Variants in NIN observed in about 807,000 individuals in gnomAD.
The protein encoded by NIN is glycogen synthase kinase 3 beta-interacting protein.
A neutral mutation model predicts 257.6 loss-of-function variants in NIN; 137 were observed. The ratio of observed to expected loss-of-function variants is 0.53; its 90% CI spans 0.46 to 0.61. The LOEUF is 0.61. Ranked by LOEUF, NIN falls within the 20% of genes least tolerant of loss-of-function variation. NIN has a pLI of 0.00. For synonymous variants in NIN, 918 were observed against 919.8 expected, an observed-to-expected ratio of 1.00 and a Z score of 0.04; for missense variants, 2,439 against 2,501.2, an observed-to-expected ratio of 0.98 and a Z score of 0.53.
chr14:50,763,228 T>C (rs1438032213), intron 15 of NIN, among the ~76,000 whole-genome samples: 1 of 146,240 alleles, frequency 6.8e-6, no homozygotes, highest in Admixed American at 6.9e-5. Flanking sequence ...AGAAAAGAGG[T>C]AGGCTATCAG....
At chr14:50,804,782 G>A (rs1247514572) in intron 4 of NIN, among the ~76,000 whole-genome samples, 10 of 151,510 alleles carry the variant, frequency 6.6e-5, no homozygotes, top group Non-Finnish European at 1.2e-4. Context: ...ACTAATGATT[G>A]CTGATGAGCT....
rs552599799 is a variant in NIN, at chr14:50,825,839, G to C, written c.-21-3762C>G. The stretch of plus-strand genomic sequence containing the variant: ...CCACAAACTTTTCCAAATTGGAATT[G>C]AGAAGCAGAGTTCCTTCCTTCCTAC... On this transcript the variant is annotated intron_variant, in intron 2 of 30. Coordinates refer to ENST00000530997, the MANE Select transcript of NIN (RefSeq NM_020921.4). Among the ~76,000 whole-genome samples the C allele has an allele frequency of 2.3e-4, 35 of 152,324 alleles. No individual in the cohort carries two copies. The South Asian group carries it at 2.5e-3, about 11-fold the overall frequency.
At chr14:50,818,758 G>C (rs1189824176) in intron 3 of NIN, among the ~76,000 whole-genome samples, 1 of 152,150 alleles carries the variant, frequency 6.6e-6, no homozygotes, top group Non-Finnish European at 1.5e-5. Flanking sequence ...CCTTGCTCAG[G>C]TGAATATGGT....
chr14:50,741,781 T>C, intron 24 of NIN, 53 bp from the exon 25 acceptor site: 1 of 1,571,366 alleles, frequency 6.4e-7, no homozygotes, highest in South Asian at 1.2e-5. Flanking sequence ...TGGTCTCACC[T>C]CTAGCATGTT....
intron 16 of NIN, 114 bp from the exon 17 acceptor site, chr14:50,760,473 TC>T: frequency 9.4e-7 from 1 of 1,059,024 alleles, no homozygotes; most frequent in Non-Finnish European, 1.3e-6. Context: ...ACAAGACATT[TC>T]TCATTTCTCT....
At chr14:50,753,523 GATAGAC>G (rs57069771) in intron 20 of NIN, among the ~76,000 whole-genome samples, 42,542 of 152,018 alleles carry the variant, frequency 0.28, 6,658 homozygotes, top group East Asian at 0.52. Flanking sequence ...TTCCCACGTT[GATAGAC>G]ATAAAGTTTT....
chr14:50,783,965 G>A (rs79197422), intron 5 of NIN, among the ~76,000 whole-genome samples: 2,862 of 151,998 alleles, frequency 0.019, 41 homozygotes, highest in Middle Eastern at 0.031. Context: ...GGGGGAAAGC[G>A]AGGAACAATG....
At chr14:50,724,923 A>G (rs1216662363) in intron 30 of NIN, among the ~76,000 whole-genome samples, 1 of 152,162 alleles carries the variant, frequency 6.6e-6, no homozygotes, top group Non-Finnish European at 1.5e-5. Context: ...AACAGGACGG[A>G]TCCCACTTAT....
chr14:50,763,568 A>G (rs1037130933), intron 15 of NIN, among the ~76,000 whole-genome samples: 1 of 152,238 alleles, frequency 6.6e-6, no homozygotes, highest in South Asian at 2.1e-4. Flanking sequence ...TTTGTTAACA[A>G]AGCAAATACC....
rs1310443534 is a variant in NIN, at chr14:50,766,367, C to A, written c.1575G>T (p.Glu525Asp). The A allele has an allele frequency of 6.2e-7, 1 of 1,614,124 alleles. No individual in the cohort carries two copies. Among genetic ancestry groups the A allele is most frequent in the Admixed American group, 1.7e-5 (1 of 60,010 alleles). The stretch of plus-strand genomic sequence containing the variant: ...TCAGTCTCTCTTCTTGCAGGAAGAA[C>A]TCAGCACTGCTAGGATCGAGGTCAC... ...KFGDLDPSSAEFFLQEERLTQ... is the reference protein window; with the variant it reads ...KFGDLDPSSADFFLQEERLTQ... The change falls in exon 14 of 31, where the codon GAG becomes GAT. Residue 525 changes from glutamate to aspartate, a missense_variant. Physicochemically the swap from Glu to Asp is conservative, Grantham distance 45. Around this residue, in one of 3 missense-constraint regions of NIN, gnomAD observed 2,043 missense variants for 2,050.2 expected, o/e 1.00. Transcript: ENST00000530997.
At chr14:50,752,764 T>G in intron 20 of NIN, 31 bp from the exon 21 acceptor site, 1 of 1,322,378 alleles carries the variant, frequency 7.6e-7, no homozygotes, top group Non-Finnish European at 1.0e-6. Context: ...TTTTTCAAAC[T>G]TGTTACCCTA....
chr14:50,754,950 G>T, intron 18 of NIN, 83 bp from the exon 19 acceptor site: 1 of 938,030 alleles, frequency 1.1e-6, no homozygotes, highest in Non-Finnish European at 1.6e-6. Flanking sequence ...CTTCCAAAAG[G>T]ATGAGTATTC....
intron 2 of NIN, among the ~76,000 whole-genome samples, chr14:50,826,781 C>G (rs1171975194): frequency 1.3e-5 from 2 of 152,194 alleles, no homozygotes; most frequent in African/African-American, 4.8e-5. Flanking sequence ...AATGCTAGAG[C>G]CCCTAGCCCA....
intron 6 of NIN, 64 bp downstream of exon 6, chr14:50,778,701 C>A: frequency 7.1e-7 from 1 of 1,413,914 alleles, no homozygotes; most frequent in Non-Finnish European, 1.0e-6. Flanking sequence ...TCAGAAAGAC[C>A]GGGTGTGGAG....
At chr14:50,786,005 G>T (rs1031147216) in intron 5 of NIN, among the ~76,000 whole-genome samples, 2 of 152,154 alleles carry the variant, frequency 1.3e-5, no homozygotes, top group Non-Finnish European at 2.9e-5. Context: ...AAGTGCATGC[G>T]GGGGATGACA....
At chr14:50,756,159 A>AT (rs941178308) in intron 18 of NIN, among the ~76,000 whole-genome samples, 2 of 150,766 alleles carry the variant, frequency 1.3e-5, no homozygotes, top group Non-Finnish European at 3.0e-5. Context: ...TAGCAAAATA[A>AT]AAAAAAAAAA....
At position 50,757,674 on chromosome 14, in the gene NIN, G is replaced by T; in HGVS notation, c.3356C>A (p.Thr1119Asn). The T allele has an allele frequency of 6.2e-7, 1 of 1,614,142 alleles. No individual in the cohort carries two copies. The highest frequency in any genetic ancestry group is 1.1e-5 in the South Asian group (1 of 91,080). ...DEPATEFFGN[T>N]AEQTEQFLQQ... ...TAAAAACTGCTCTGTTTGTTCCGCA[G>T]TATTTCCAAAAAACTCAGTAGCTGG... is the stretch of plus-strand genomic sequence containing the variant. Residue 1119 changes from threonine to asparagine, a missense_variant, in exon 18 of 31, where the codon ACT (threonine) becomes AAT (asparagine). By Grantham distance (65) the Thr-to-Asn change is moderately conservative. Around this residue, in one of 3 missense-constraint regions of NIN, gnomAD observed 2,043 missense variants for 2,050.2 expected, o/e 1.00. Coordinates refer to ENST00000530997, the MANE Select transcript of NIN (RefSeq NM_020921.4).
At position 50,726,084 on chromosome 14, in the gene NIN, A is replaced by ATAT; in HGVS notation, c.6079-21_6079-19dup. On this transcript the variant is annotated intron_variant, in intron 29 of 30. Transcript: ENST00000530997. ...TGGTTTCCCTGAAGGGAAGAAAAGTATATTATTCGAAAATCATGTCACACT... is the reference window on the plus strand; with the variant it reads ...TGGTTTCCCTGAAGGGAAGAAAAGTATATTATTATTCGAAAATCATGTCACACT... The ATAT allele has an allele frequency of 6.3e-7, 1 of 1,581,942 alleles. No homozygotes were observed. Among genetic ancestry groups the ATAT allele is most frequent in the Non-Finnish European group, 8.7e-7 (1 of 1,153,318 alleles).
intron 7 of NIN, among the ~76,000 whole-genome samples, chr14:50,775,033 G>A (rs1221784404): frequency 2.0e-5 from 3 of 152,136 alleles, no homozygotes; most frequent in Non-Finnish European, 4.4e-5. Context: ...CACTCAAAGA[G>A]GCCCGGAAGA....
Sources: gnomAD v4.1 joint callset for allele counts (sites outside exome capture counted in the v4.1 genomes callset) on GRCh38, gnomAD v4.1.1 for gene constraint, gnomAD v4.1.1 regional missense constraint, MANE v1.5 for transcripts, NCBI Gene and HGNC (gene_info 2026-07-23, HGNC 2026-07-21) for gene names.